Variants in CTNND2 observed in about 807,000 individuals in gnomAD.
CTNND2 encodes the protein catenin delta-2.
A neutral mutation model predicts 144.4 loss-of-function variants in CTNND2; 22 were observed. The ratio of observed to expected loss-of-function variants is 0.15; its 90% confidence interval spans 0.11 to 0.22. The LOEUF is 0.22. Ranked by LOEUF, CTNND2 falls within the 10% of genes least tolerant of loss-of-function variation. CTNND2 has a pLI of 1.00. For missense variants in CTNND2, 1,353 were observed against 1,618.8 expected (o/e 0.84, Z 2.82); for synonymous variants, 751 against 695.6 (o/e 1.08, Z -1.25).
chr5:11,045,468 G>C (rs1364427444), intron 16 of CTNND2, among the ~76,000 whole-genome samples: 1 of 152,110 alleles, frequency 6.6e-6, no homozygotes, highest in Non-Finnish European at 1.5e-5. Flanking sequence ...CATTACTGAG[G>C]GATCTGTCCC....
chr5:11,597,501 C>T (rs913116870), intron 2 of CTNND2, among the ~76,000 whole-genome samples: 1 of 151,380 alleles, frequency 6.6e-6, no homozygotes, highest in Non-Finnish European at 1.5e-5. Flanking sequence ...TTCTCTATTT[C>T]TTGCTCTAAG....
intron 10 of CTNND2, among the ~76,000 whole-genome samples, chr5:11,202,822 G>C (rs114202262): frequency 0.028 from 4,169 of 150,362 alleles, 128 homozygotes; most frequent in African/African-American, 0.073. Flanking sequence ...CTTTTTTTCT[G>C]AGATGGAGTT....
intron 16 of CTNND2, among the ~76,000 whole-genome samples, chr5:11,077,930 T>G (rs1404495315): frequency 6.7e-6 from 1 of 149,096 alleles, no homozygotes; most frequent in Non-Finnish European, 1.5e-5. Context: ...CAAGAATAAC[T>G]GGTCATTTTC....
At chr5:11,585,308 A>G in intron 2 of CTNND2, among the ~76,000 whole-genome samples, 1 of 152,190 alleles carries the variant, frequency 6.6e-6, no homozygotes, top group East Asian at 1.9e-4. Flanking sequence ...CCTACTTAAG[A>G]GAGAATACGG....
At chr5:11,062,970 C>T (rs1392045681) in intron 16 of CTNND2, among the ~76,000 whole-genome samples, 1 of 152,192 alleles carries the variant, frequency 6.6e-6, no homozygotes, top group African/African-American at 2.4e-5. Flanking sequence ...ATGGACAATT[C>T]ATCGTTTTCT....
intron 18 of CTNND2, among the ~76,000 whole-genome samples, chr5:11,015,277 T>A (rs796569399): frequency 7.9e-5 from 12 of 152,358 alleles, no homozygotes; most frequent in African/African-American, 2.6e-4. Context: ...AAAGGAAAGC[T>A]TTTTTGAATT....
chr5:11,683,561 G>T (rs1476886056), intron 2 of CTNND2, among the ~76,000 whole-genome samples: 2 of 152,180 alleles, frequency 1.3e-5, no homozygotes, highest in African/African-American at 4.8e-5. Flanking sequence ...GTTGAAGACC[G>T]TCTTTGCACT....
chr5:11,265,836 C>A (rs548341807), intron 9 of CTNND2, among the ~76,000 whole-genome samples: 3 of 151,550 alleles, frequency 2.0e-5, no homozygotes, highest in African/African-American at 7.3e-5. Context: ...CTCAGCCTCC[C>A]GAGTAGATGG....
chr5:11,485,495 T>G (rs1178721074), intron 3 of CTNND2, among the ~76,000 whole-genome samples: 1 of 152,110 alleles, frequency 6.6e-6, no homozygotes, highest in Non-Finnish European at 1.5e-5. Flanking sequence ...AGAAAACCAG[T>G]TTTGAAAAAG....
intron 3 of CTNND2, among the ~76,000 whole-genome samples, chr5:11,551,432 C>CTTTTTTTTTTTTTTTTTT (rs70949326): frequency 2.0e-5 from 2 of 100,916 alleles, no homozygotes; most frequent in African/African-American, 7.2e-5. Context: ...TTTCTTTTTT[C>CTTTTTTTTTTTTTTTTTT]TTTTTTTTTT....
chr5:11,532,061 C>T (rs770351001), intron 3 of CTNND2, among the ~76,000 whole-genome samples: 1 of 152,066 alleles, frequency 6.6e-6, no homozygotes, highest in Non-Finnish European at 1.5e-5. Context: ...CATTATGCTC[C>T]CCTCCAGGAA....
intron 16 of CTNND2, among the ~76,000 whole-genome samples, chr5:11,030,721 C>A (rs1294786530): frequency 1.5e-5 from 2 of 135,882 alleles, no homozygotes; most frequent in African/African-American, 2.8e-5. Flanking sequence ...TCTAGTAGAT[C>A]TACCTTTGTG....
At chr5:10,981,244 C>G (rs1347136304) in intron 21 of CTNND2, among the ~76,000 whole-genome samples, 1 of 152,142 alleles carries the variant, frequency 6.6e-6, no homozygotes, top group Non-Finnish European at 1.5e-5. Context: ...GGTTCCCCAA[C>G]TAGACTTTGA....
chr5:11,182,871 G>A (rs566963060), intron 11 of CTNND2, among the ~76,000 whole-genome samples: 1 of 152,190 alleles, frequency 6.6e-6, no homozygotes, highest in Non-Finnish European at 1.5e-5. Flanking sequence ...GCAGCTTTAG[G>A]AAAGCTACCT....
At chr5:11,432,007 C>T (rs1305856677) in intron 3 of CTNND2, among the ~76,000 whole-genome samples, 1 of 151,842 alleles carries the variant, frequency 6.6e-6, no homozygotes, top group Non-Finnish European at 1.5e-5. Flanking sequence ...CAGGGCTAAA[C>T]ATTTACCTAT....
At chr5:11,335,653 G>A (rs10155641) in intron 9 of CTNND2, among the ~76,000 whole-genome samples, 3 of 152,090 alleles carry the variant, frequency 2.0e-5, no homozygotes, top group African/African-American at 7.2e-5. Flanking sequence ...GTCTGGCGGC[G>A]GGGAACCTAA....
intron 8 of CTNND2, among the ~76,000 whole-genome samples, chr5:11,349,303 T>G (rs1367073715): frequency 6.6e-6 from 1 of 152,222 alleles, no homozygotes; most frequent in Non-Finnish European, 1.5e-5. Flanking sequence ...GGTGTCAGAC[T>G]ATATAGCTCC....
chr5:11,340,940 C>A (rs550840360), intron 9 of CTNND2, among the ~76,000 whole-genome samples: 2 of 152,344 alleles, frequency 1.3e-5, no homozygotes, highest in South Asian at 2.1e-4. Context: ...AATTAACTTT[C>A]ATCATCATTG....
chr5:11,228,142 G>T (rs1056354759), intron 10 of CTNND2, among the ~76,000 whole-genome samples: 7 of 152,032 alleles, frequency 4.6e-5, no homozygotes, highest in African/African-American at 1.7e-4. Context: ...AGGGGTTCAT[G>T]ACCAGCCTGG....
Sources: gnomAD v4.1 joint callset for allele counts (sites outside exome capture counted in the v4.1 genomes callset) on GRCh38, gnomAD v4.1.1 for gene constraint, MANE v1.5 for transcripts, NCBI Gene and HGNC (gene_info 2026-07-23, HGNC 2026-07-21) for gene names.